The following DNAH3 variants were observed in gnomAD, a reference collection of about 807,000 sequenced individuals.
The protein encoded by DNAH3 is dynein axonemal heavy chain 3, also known as axonemal beta dynein heavy chain 3.
DNAH3 carries 332 observed loss-of-function variants against 432.5 expected under a neutral mutation model. The ratio of observed to expected loss-of-function variants is 0.77; its 90% CI spans 0.70 to 0.84. The LOEUF (loss-of-function observed/expected upper bound fraction) is 0.84, where lower values mean the gene tolerates loss of function less well. DNAH3 is among the 40% of genes least tolerant of loss of function. The pLI, the probability that DNAH3 is intolerant of heterozygous loss-of-function variation, is 0.00. For synonymous variants in DNAH3, 1,956 were observed against 1,900.2 expected (o/e 1.03, Z -0.76); for missense variants, 4,861 against 5,114.0 (o/e 0.95, Z 1.51).
chr16:20,967,204 AC>A (rs1346253075), intron 52 of DNAH3, among the ~76,000 whole-genome samples: 1 of 152,186 alleles, frequency 6.6e-6, no homozygotes, highest in African/African-American at 2.4e-5. Context: ...GATTCAAGGT[AC>A]CCCGAACTAA....
intron 44 of DNAH3, among the ~76,000 whole-genome samples, chr16:20,988,439 G>C (rs933888627): frequency 2.6e-5 from 4 of 152,002 alleles, no homozygotes; most frequent in Admixed American, 2.6e-4. Context: ...TTTTGAGATG[G>C]AGTTCCCCTC....
In DNAH3 at chr16:21,141,336, GT is replaced by G; in HGVS notation, c.484del (p.Thr162ArgfsTer26). The G allele has an allele frequency of 1.3e-6, 2 of 1,592,312 alleles. No homozygotes were observed. The highest frequency in any genetic ancestry group is 1.3e-5 in the African/African-American group (1 of 74,676). ...CTCTTTGTTTCTGGAGGAAAACTTC[GT>G]TTTTTTCCTCATGGGCTCTGATGAG... On this transcript the variant is annotated frameshift_variant, in exon 4 of 62. Transcript: ENST00000261383. LOFTEE classifies it high-confidence loss of function.
rs571312625 is a variant in DNAH3, at chr16:20,963,275, T to C, written c.10600+9A>G. 1.6e-5 allele frequency: 25 copies of C among 1,610,248 alleles called. No homozygotes were observed. Among genetic ancestry groups the C allele is most frequent in the Non-Finnish European group, 2.0e-5 (23 of 1,177,650 alleles). The stretch of plus-strand genomic sequence containing the variant: ...TTTCCACGTCTCTCCCACAACACTC[T>C]GTTCTTACCTGCCATTGGGTCTGCA... On this transcript the variant is annotated intron_variant, in intron 53 of 61. Transcript: ENST00000261383.
At chr16:21,094,680 A>ATG (rs897844618) in intron 18 of DNAH3, among the ~76,000 whole-genome samples, 79 of 152,146 alleles carry the variant, frequency 5.2e-4, no homozygotes, top group Non-Finnish European at 1.0e-3. Context: ...ATATATATAT[A>ATG]TATGGACAAT....
chr16:21,009,510 A>G (rs1230174550), intron 41 of DNAH3, among the ~76,000 whole-genome samples: 3 of 152,220 alleles, frequency 2.0e-5, no homozygotes, highest in African/African-American at 7.2e-5. Flanking sequence ...AATTGGTAAA[A>G]TATTTTTCCC....
rs547435237 is a variant in DNAH3 at position 21,021,917 on chromosome 16, T to C, written c.5776+54A>G. The C allele has an allele frequency of 4.4e-6, 7 of 1,573,536 alleles. No homozygotes were observed. The Admixed American group carries it at 7.5e-5, about 17-fold the overall frequency. ...GACTTCATCTCAAAAAAAAAAGAAA[T>C]AGCCAAGGTAGACCCACCCCCCATG... On this transcript the variant is annotated intron_variant, in intron 40 of 61. Coordinates refer to ENST00000261383, the Ensembl canonical transcript of DNAH3.
intron 44 of DNAH3, among the ~76,000 whole-genome samples, chr16:20,990,972 G>C (rs537027210): frequency 6.6e-6 from 1 of 152,236 alleles, no homozygotes; most frequent in Non-Finnish European, 1.5e-5. Context: ...AGTGAGCCGA[G>C]ATTGTGCCAC....
intron 41 of DNAH3, among the ~76,000 whole-genome samples, chr16:21,007,059 C>A (rs9673571): frequency 0.016 from 2,395 of 152,282 alleles, 77 homozygotes; most frequent in African/African-American, 0.053. Flanking sequence ...GATCTTCCTG[C>A]ATCCTCACCA....
Position 21,111,625 on chromosome 16 carries a change from C to T in DNAH3, c.2099+1G>A, listed in dbSNP as rs373369945. 66 of 1,608,962 alleles carry T rather than the reference C, an allele frequency of 4.1e-5. No individual in the cohort carries two copies. The highest frequency in any genetic ancestry group is 3.3e-4 in the Middle Eastern group (2 of 6,060). On this transcript the variant is annotated splice_donor_variant, in intron 14 of 61. Transcript: ENST00000261383. LOFTEE classifies it high-confidence loss of function. ...TATTTGTCTGCACAGAATTACAATA[C>T]CTGGTATTGGTGTCTCGGTTTACAT... is the stretch of plus-strand genomic sequence containing the variant.
intron 56 of DNAH3, among the ~76,000 whole-genome samples, chr16:20,949,319 C>T (rs888500905): frequency 7.3e-6 from 1 of 136,796 alleles, no homozygotes; most frequent in African/African-American, 2.7e-5. Flanking sequence ...AAGAGCGAAA[C>T]TTCGTCTCAA....
intron 59 of DNAH3, among the ~76,000 whole-genome samples, chr16:20,937,211 G>C (rs1225423167): frequency 6.6e-6 from 1 of 151,974 alleles, no homozygotes; most frequent in Non-Finnish European, 1.5e-5. Flanking sequence ...GCTGGAGTAA[G>C]TAGTGAGATC....
chr16:21,123,142 A>G (rs1157282773), intron 9 of DNAH3, among the ~76,000 whole-genome samples: 2 of 152,076 alleles, frequency 1.3e-5, no homozygotes, highest in African/African-American at 4.8e-5. Flanking sequence ...AATCCATATA[A>G]CCCCAAATGG....
chr16:20,997,438 T>A (rs948210287), exon 44 of DNAH3: 1 of 1,613,992 alleles, frequency 6.2e-7, no homozygotes, highest in Non-Finnish European at 8.5e-7. Context: ...CCCATACACC[T>A]CTTTGGCTGG....
chr16:20,952,310 G>C (rs2084351800), intron 56 of DNAH3, 123 bp downstream of exon 56: 1 of 657,140 alleles, frequency 1.5e-6, no homozygotes, highest in Non-Finnish European at 2.8e-6. Flanking sequence ...GCATTAGTAA[G>C]AGCTCGATGT....
exon 38 of DNAH3, chr16:21,027,080 G>T (rs781099475): frequency 1.2e-6 from 2 of 1,613,830 alleles, no homozygotes; most frequent in African/African-American, 2.7e-5. Flanking sequence ...CGAAGATCAG[G>T]CTCATCTTGG....
intron 52 of DNAH3, among the ~76,000 whole-genome samples, chr16:20,969,233 G>A (rs1333144450): frequency 6.7e-6 from 1 of 149,674 alleles, no homozygotes; most frequent in Non-Finnish European, 1.5e-5. Context: ...TTCGTGCATG[G>A]CTCTGTGTGT....
At chr16:21,102,656 G>C (rs1288991414) in intron 16 of DNAH3, among the ~76,000 whole-genome samples, 1 of 152,068 alleles carries the variant, frequency 6.6e-6, no homozygotes, top group Non-Finnish European at 1.5e-5. Context: ...CACCCAAGTT[G>C]TAAGTTTACT....
chr16:21,026,293 C>T (rs925135684), intron 38 of DNAH3, among the ~76,000 whole-genome samples: 11 of 152,108 alleles, frequency 7.2e-5, no homozygotes, highest in Non-Finnish European at 1.2e-4. Flanking sequence ...TATGACAAAT[C>T]TAAATGAATG....
At chr16:21,127,036 C>T (rs59344963) in intron 8 of DNAH3, among the ~76,000 whole-genome samples, 5,946 of 151,966 alleles carry the variant, frequency 0.039, 333 homozygotes, top group African/African-American at 0.13. Flanking sequence ...CAGTAAATGC[C>T]GTGTGCTTGA....
Sources: allele counts gnomAD v4.1 joint callset (sites outside exome capture counted in the v4.1 genomes callset), GRCh38; gene constraint gnomAD v4.1.1; transcripts MANE v1.5; gene names NCBI Gene and HGNC (gene_info 2026-07-23, HGNC 2026-07-21).